RBFOX3: variants seen among roughly 807,000 people sequenced by gnomAD.
The protein encoded by RBFOX3 is RNA binding fox-1 homolog 3, also known as RNA binding protein fox-1 homolog 3.
A neutral mutation model predicts 48.7 loss-of-function variants in RBFOX3; 17 were observed. The observed-to-expected ratio is 0.35, with a 90% CI of 0.24 to 0.52. RBFOX3 has a LOEUF of 0.52. Ranked by LOEUF, RBFOX3 falls within the 20% of genes least tolerant of loss-of-function variation. The pLI, the probability that RBFOX3 is intolerant of heterozygous loss-of-function variation, is 0.94. For synonymous variants in RBFOX3, 212 were observed against 209.5 expected (o/e 1.01, Z -0.10); for missense variants, 382 against 497.5 (o/e 0.77, Z 2.21).
At chr17:79,626,613 C>T in the RBFOX3 span, among the ~76,000 whole-genome samples, 16 of 152,340 alleles carry the variant, frequency 1.1e-4, no homozygotes, top group Admixed American at 7.8e-4. Context: ...CCACGCCTCC[C>T]GGGCTGGGTG....
chr17:79,356,371 T>TTTTTTGTTTTTG (rs2085085746), intron 2 of RBFOX3, among the ~76,000 whole-genome samples: 1 of 116,208 alleles, frequency 8.6e-6, no homozygotes, highest in Admixed American at 9.1e-5. Flanking sequence ...TTTTTTTTTT[T>TTTTTTGTTTTTG]TTTTTTTTTT....
chr17:79,356,357 T>TG lies in RBFOX3; in HGVS notation c.-174-48534_-174-48533insC, dbSNP rs2085028326. On this transcript the variant is annotated intron_variant, in intron 2 of 14. Coordinates refer to ENST00000693108, the MANE Select transcript of RBFOX3 (RefSeq NM_001350451.2). ...CTTTTAAAACAGGGAAGTTTTTTTT[T>TG]TTTTTTTTTTTTTTTTTTTTTTTTT... 2.2e-4 allele frequency among the ~76,000 whole-genome samples: 14 copies of TG among 62,972 alleles called. 1 individual carries two copies. Among genetic ancestry groups the TG allele is most frequent in the African/African-American group, 7.0e-4 (10 of 14,310 alleles). The allele number at this position is 62,972 out of a possible 152,430, so 41.3% of individuals were successfully genotyped here.
chr17:79,489,022 G>A (rs1407721199), intron 1 of RBFOX3, among the ~76,000 whole-genome samples: 1 of 152,024 alleles, frequency 6.6e-6, no homozygotes, highest in African/African-American at 2.4e-5. Context: ...CTTTTGTTTT[G>A]TTTTGTTTTG....
intron 4 of RBFOX3, among the ~76,000 whole-genome samples, chr17:79,138,019 C>A (rs117699421): frequency 5.1e-4 from 77 of 152,324 alleles, no homozygotes; most frequent in Non-Finnish European, 8.7e-4. Flanking sequence ...TCCCAGGCAG[C>A]CCGCCCCCGC....
chr17:79,314,844 G>A (rs979536478), intron 2 of RBFOX3, among the ~76,000 whole-genome samples: 2 of 152,188 alleles, frequency 1.3e-5, no homozygotes, highest in Non-Finnish European at 1.5e-5. Flanking sequence ...GCCTCTGGGT[G>A]TAGGGGAGGG....
Position 79,123,020 on chromosome 17 carries a change from G to A in RBFOX3, c.-33-7272C>T, listed in dbSNP as rs188593763. Among the ~76,000 whole-genome samples, 167 of 151,970 alleles carry A rather than the reference G, an allele frequency of 1.1e-3. 1 individual carries two copies. The highest frequency in any genetic ancestry group is 3.8e-3 in the African/African-American group (158 of 41,438). On this transcript the variant is annotated intron_variant, in intron 4 of 14. Coordinates refer to ENST00000693108, the MANE Select transcript of RBFOX3 (RefSeq NM_001350451.2). Reference sequence around the variant, plus strand: ...TAAAAATCAAAACAACTGAACTCACGGACACAGAGAGCAGAAGGATGATGA... The same window carrying A: ...TAAAAATCAAAACAACTGAACTCACAGACACAGAGAGCAGAAGGATGATGA...
intron 2 of RBFOX3, among the ~76,000 whole-genome samples, chr17:79,413,102 A>AG (rs951904934): frequency 6.6e-6 from 1 of 152,180 alleles, no homozygotes; most frequent in Non-Finnish European, 1.5e-5. Flanking sequence ...GGAGGGGGAA[A>AG]GGGGGAACTG....
chr17:79,250,933 T>C (rs7219627), intron 3 of RBFOX3, among the ~76,000 whole-genome samples: 10,915 of 151,808 alleles, frequency 0.072, 546 homozygotes, highest in African/African-American at 0.14. Flanking sequence ...CTCAGCCTCC[T>C]GAGTAGCTGG....
chr17:79,606,791 A>G (rs2093841219), intron 1 of RBFOX3, among the ~76,000 whole-genome samples: 2 of 152,182 alleles, frequency 1.3e-5, no homozygotes, highest in Non-Finnish European at 2.9e-5. Flanking sequence ...CCCGCCATGC[A>G]ACTGTTAACC....
At chr17:79,415,032 G>T (rs1247795745) in intron 2 of RBFOX3, among the ~76,000 whole-genome samples, 3 of 152,140 alleles carry the variant, frequency 2.0e-5, no homozygotes, top group Non-Finnish European at 4.4e-5. Flanking sequence ...CATCGCCACG[G>T]TCCACATGCG....
At chr17:79,233,082 A>G (rs1371713516) in intron 4 of RBFOX3, among the ~76,000 whole-genome samples, 2 of 152,242 alleles carry the variant, frequency 1.3e-5, no homozygotes, top group African/African-American at 4.8e-5. Context: ...TAACAGCCCC[A>G]GACTGGAAAC....
intron 4 of RBFOX3, chr17:79,135,874 C>T (rs2040068781): frequency 6.6e-6 from 1 of 152,280 alleles, no homozygotes; most frequent in Non-Finnish European, 1.5e-5. Context: ...CAGGGCTGCG[C>T]TATGAGCTGC....
intron 1 of RBFOX3, among the ~76,000 whole-genome samples, chr17:79,571,672 C>T (rs1200147043): frequency 1.3e-5 from 2 of 152,216 alleles, no homozygotes; most frequent in East Asian, 1.9e-4. Flanking sequence ...CAGGATCTCA[C>T]GTTATCTTGC....
chr17:79,298,233 A>C (rs1322929664), intron 3 of RBFOX3: 1 of 152,246 alleles, frequency 6.6e-6, no homozygotes, highest in African/African-American at 2.4e-5. Flanking sequence ...TTAAACACCA[A>C]ATAAGTGCCG....
At chr17:79,393,159 A>C (rs1292968740) in intron 2 of RBFOX3, among the ~76,000 whole-genome samples, 1 of 152,250 alleles carries the variant, frequency 6.6e-6, no homozygotes, top group Non-Finnish European at 1.5e-5. Context: ...AGCAGAGTGC[A>C]AAGGCATTTT....
At chr17:79,163,232 A>G (rs924588926) in intron 4 of RBFOX3, among the ~76,000 whole-genome samples, 1 of 152,098 alleles carries the variant, frequency 6.6e-6, no homozygotes, top group African/African-American at 2.4e-5. Flanking sequence ...CGGGCAGCAC[A>G]CTCGGCTGAA....
At chr17:79,664,870 T>C in the RBFOX3 span, among the ~76,000 whole-genome samples, 1 of 152,242 alleles carries the variant, frequency 6.6e-6, no homozygotes, top group African/African-American at 2.4e-5. Flanking sequence ...TTTGTCCTTT[T>C]GTGACTGGCT....
chr17:79,401,252 G>C (rs1598530981), intron 2 of RBFOX3, among the ~76,000 whole-genome samples: 1 of 152,222 alleles, frequency 6.6e-6, no homozygotes, highest in Non-Finnish European at 1.5e-5. Flanking sequence ...TCGGAAAGGA[G>C]CCCTGAGCGG....
intron 1 of RBFOX3, among the ~76,000 whole-genome samples, chr17:79,494,434 G>A (rs1487503478): frequency 2.6e-5 from 4 of 152,200 alleles, no homozygotes; most frequent in African/African-American, 4.8e-5. Context: ...TGCTCCCACC[G>A]CACAGGCTGG....
Sources: gnomAD v4.1 joint callset for allele counts (sites outside exome capture counted in the v4.1 genomes callset) on GRCh38, gnomAD v4.1.1 for gene constraint, MANE v1.5 for transcripts, NCBI Gene and HGNC (gene_info 2026-07-23, HGNC 2026-07-21) for gene names.